Variants in RBFOX1 observed in about 807,000 individuals in gnomAD.
RBFOX1 encodes the protein RNA binding protein fox-1 homolog 1.
Under a neutral mutation model 57.7 loss-of-function variants are expected in RBFOX1, and 8 were observed. The ratio of observed to expected loss-of-function variants is 0.14; its 90% CI spans 0.08 to 0.25. The LOEUF (loss-of-function observed/expected upper bound fraction) is 0.25, where lower values mean the gene tolerates loss of function less well. RBFOX1 is among the 10% of genes least tolerant of loss of function. The probability of loss-of-function intolerance (pLI) is 1.00; values close to 1 mark genes in which losing one functional copy is unlikely to be tolerated. For synonymous variants in RBFOX1, 326 were observed against 222.4 expected, an observed-to-expected ratio of 1.47 and a Z score of -4.15; for missense variants, 611 against 548.5, an observed-to-expected ratio of 1.11 and a Z score of -1.14.
At chr16:7,035,382 C>T (rs959952922) in intron 3 of RBFOX1, among the ~76,000 whole-genome samples, 4 of 152,140 alleles carry the variant, frequency 2.6e-5, no homozygotes, top group East Asian at 1.9e-4. Flanking sequence ...ATACGGATCA[C>T]GTTATACACT....
rs367710015 is a variant in RBFOX1, at chr16:7,002,568, T to C, written c.-15-49489T>C. 4.1e-3 allele frequency among the ~76,000 whole-genome samples: 618 copies of C among 152,042 alleles called. 8 individuals carry two copies. The highest frequency in any genetic ancestry group is 0.014 in the African/African-American group (594 of 41,464). ...CTCTACTAAAAATACAAAAATTTGCTGGGCGTGGTGGCATGCACATGTCAT... is the reference window on the plus strand; with the variant it reads ...CTCTACTAAAAATACAAAAATTTGCCGGGCGTGGTGGCATGCACATGTCAT... On this transcript the variant is annotated intron_variant, in intron 3 of 15. Coordinates refer to ENST00000550418, the MANE Select transcript of RBFOX1 (RefSeq NM_018723.4).
At chr16:7,425,545 C>T (rs2098602250) in intron 4 of RBFOX1, among the ~76,000 whole-genome samples, 1 of 152,182 alleles carries the variant, frequency 6.6e-6, no homozygotes, top group African/African-American at 2.4e-5. Flanking sequence ...TTCTGGCGGT[C>T]TCTTTTGTTT....
At chr16:5,666,937 A>G (rs1348907517) in intron 3 of RBFOX1, among the ~76,000 whole-genome samples, 1 of 152,140 alleles carries the variant, frequency 6.6e-6, no homozygotes, top group African/African-American at 2.4e-5. Context: ...GTTTCATTCT[A>G]TCTGCTACCA....
At chr16:7,034,841 C>CTTTTCT (rs2043859259) in intron 3 of RBFOX1, among the ~76,000 whole-genome samples, 1 of 39,166 alleles carries the variant, frequency 2.6e-5, no homozygotes, top group Non-Finnish European at 4.4e-5. Context: ...TTTTTTTTTT[C>CTTTTCT]TTTTTTCTTT....
chr16:7,708,291 G>A lies in RBFOX1; in HGVS notation c.996-765G>A, dbSNP rs184843015. Among the ~76,000 whole-genome samples, 17 of 152,246 alleles carry A rather than the reference G, an allele frequency of 1.1e-4. No individual in the cohort carries two copies. The East Asian group carries it at 1.2e-3, about 10-fold the overall frequency. The stretch of plus-strand genomic sequence containing the variant: ...CAGATATTTAGTAGGCATTCAGCAC[G>A]TTTGGTTTCCATCTCTTCTCCATTT... On this transcript the variant is annotated intron_variant, in intron 14 of 15. Transcript: ENST00000550418.
chr16:6,119,392 C>A (rs752187381), intron 1 of RBFOX1, among the ~76,000 whole-genome samples: 2 of 152,118 alleles, frequency 1.3e-5, no homozygotes, highest in African/African-American at 4.8e-5. Context: ...GTCTTTATAT[C>A]TTATTACTAG....
rs766170885 is a variant in RBFOX1, at chr16:7,052,116, T to TA, written c.27+22dup. The TA allele has an allele frequency of 1.6e-5, 25 of 1,591,510 alleles. No homozygotes were observed. Among genetic ancestry groups the TA allele is most frequent in the Non-Finnish European group, 2.1e-5 (25 of 1,173,744 alleles). ...AGCTAAGGGTAGGTGCACCTGCTTG[T>TA]AAAATGCTTCCTGATTCTCATTTTT... On this transcript the variant is annotated intron_variant, in intron 4 of 15. Coordinates refer to ENST00000550418, the MANE Select transcript of RBFOX1 (RefSeq NM_018723.4).
intron 1 of RBFOX1, among the ~76,000 whole-genome samples, chr16:5,290,378 T>G (rs1225945991): frequency 6.6e-6 from 1 of 152,022 alleles, no homozygotes; most frequent in African/African-American, 2.4e-5. Flanking sequence ...TTGTCAGGGC[T>G]TAGTGGGAGG....
intron 1 of RBFOX1, among the ~76,000 whole-genome samples, chr16:6,077,030 A>T (rs940670967): frequency 2.0e-5 from 3 of 152,184 alleles, no homozygotes; most frequent in Non-Finnish European, 2.9e-5. Flanking sequence ...AGTGCAGATG[A>T]AGCGCTCGGC....
At chr16:6,530,051 C>A (rs943938562) in intron 2 of RBFOX1, among the ~76,000 whole-genome samples, 3 of 152,138 alleles carry the variant, frequency 2.0e-5, no homozygotes, top group African/African-American at 7.2e-5. Flanking sequence ...AGCTATTTTA[C>A]AATGTGTTTA....
At chr16:5,316,771 G>T (rs1440422575) in intron 1 of RBFOX1, among the ~76,000 whole-genome samples, 1 of 152,188 alleles carries the variant, frequency 6.6e-6, no homozygotes. Context: ...GGAAACCCAG[G>T]TGGTTTGGCA....
intron 3 of RBFOX1, among the ~76,000 whole-genome samples, chr16:6,834,315 A>T (rs1338145662): frequency 1.3e-5 from 2 of 152,006 alleles, no homozygotes; most frequent in East Asian, 3.9e-4. Flanking sequence ...ACCTTAAGTG[A>T]TCCACCCACC....
chr16:6,251,740 C>G (rs968039164), intron 1 of RBFOX1, among the ~76,000 whole-genome samples: 3 of 152,106 alleles, frequency 2.0e-5, no homozygotes, highest in African/African-American at 7.2e-5. Flanking sequence ...TGGACCCAAA[C>G]TGATGCTTCC....
At chr16:5,242,446 G>T (rs545959980) in intron 1 of RBFOX1, among the ~76,000 whole-genome samples, 1 of 152,270 alleles carries the variant, frequency 6.6e-6, no homozygotes, top group African/African-American at 2.4e-5. Flanking sequence ...GCCCACTGCT[G>T]CCCACAGTGC....
chr16:7,338,166 C>T (rs1450003259), intron 4 of RBFOX1, among the ~76,000 whole-genome samples: 1 of 152,142 alleles, frequency 6.6e-6, no homozygotes, highest in Non-Finnish European at 1.5e-5. Flanking sequence ...ATGTATTTAG[C>T]CCAGGGTGCA....
chr16:6,025,354 G>C (rs1469392505), intron 1 of RBFOX1, among the ~76,000 whole-genome samples: 1 of 152,168 alleles, frequency 6.6e-6, no homozygotes, highest in Non-Finnish European at 1.5e-5. Flanking sequence ...TTCAAGAAGA[G>C]GGATTACTTT....
chr16:6,711,524 A>G (rs181820527), intron 3 of RBFOX1, among the ~76,000 whole-genome samples: 10 of 152,296 alleles, frequency 6.6e-5, no homozygotes, highest in Admixed American at 2.6e-4. Context: ...AGTTCTCACA[A>G]CATATGATGG....
intron 2 of RBFOX1, among the ~76,000 whole-genome samples, chr16:6,568,408 A>T (rs1336720783): frequency 6.6e-6 from 1 of 152,168 alleles, no homozygotes; most frequent in Non-Finnish European, 1.5e-5. Flanking sequence ...CTCTCTACCA[A>T]ATTGAGTTAT....
intron 3 of RBFOX1, among the ~76,000 whole-genome samples, chr16:5,778,060 G>A (rs534752577): frequency 1.3e-5 from 2 of 152,292 alleles, no homozygotes; most frequent in South Asian, 2.1e-4. Context: ...GCTGGAACCA[G>A]GCACTTACCT....
Sources: gnomAD v4.1 joint callset for allele counts (sites outside exome capture counted in the v4.1 genomes callset) on GRCh38, gnomAD v4.1.1 for gene constraint, MANE v1.5 for transcripts, NCBI Gene and HGNC (gene_info 2026-07-23, HGNC 2026-07-21) for gene names.